The following CHCHD3 variants were observed in gnomAD, a reference collection of about 807,000 sequenced individuals.
CHCHD3 encodes the protein coiled-coil-helix-coiled-coil-helix domain containing 3.
Under a neutral mutation model 38.2 loss-of-function variants are expected in CHCHD3, and 20 were observed. That is an observed-to-expected ratio of 0.52 (90% confidence interval 0.37 to 0.76). The LOEUF is 0.76. CHCHD3 is among the 30% of genes least tolerant of loss of function. The pLI is 0.00. For synonymous variants in CHCHD3, 82 were observed against 100.0 expected (o/e 0.82, Z 1.07); for missense variants, 245 against 279.2 (o/e 0.88, Z 0.87).
At position 132,820,269 on chromosome 7, in the gene CHCHD3, G is replaced by T. The variant is rs535708435; in HGVS notation, c.524+18130C>A. On this transcript the variant is annotated intron_variant, in intron 6 of 7. Transcript: ENST00000262570. ...CATCCTTGGCCCCTAATTTTTAAAT[G>T]TTGTATTCATAAAAATAAGCTTCAT... Among the ~76,000 whole-genome samples, 61 of 152,294 alleles carry T rather than the reference G, an allele frequency of 4.0e-4. 4 individuals are homozygous for T. Among genetic ancestry groups the T allele is most frequent in the Admixed American group, 3.5e-3 (53 of 15,292 alleles).
At chr7:132,906,458 C>G (rs1197271147) in intron 4 of CHCHD3, among the ~76,000 whole-genome samples, 1 of 152,090 alleles carries the variant, frequency 6.6e-6, no homozygotes, top group African/African-American at 2.4e-5. Context: ...CATTGAGTAC[C>G]ATTTCATAAC....
At chr7:132,807,609 ATATAT>A (rs1806957708) in intron 6 of CHCHD3, among the ~76,000 whole-genome samples, 2 of 24,110 alleles carry the variant, frequency 8.3e-5, no homozygotes, top group African/African-American at 7.7e-4. Context: ...ACACATAAAT[ATATAT>A]ATATATATAT....
At chr7:132,930,598 T>C (rs1810491667) in intron 4 of CHCHD3, among the ~76,000 whole-genome samples, 1 of 152,176 alleles carries the variant, frequency 6.6e-6, no homozygotes, top group Non-Finnish European at 1.5e-5. Flanking sequence ...ATTTCTAACA[T>C]ATTTCGCCCT....
intron 2 of CHCHD3, among the ~76,000 whole-genome samples, chr7:133,039,065 ACTGAGGTT>A (rs1184765233): frequency 6.6e-6 from 1 of 152,226 alleles, no homozygotes; most frequent in African/African-American, 2.4e-5. Flanking sequence ...ACAACTGCTC[ACTGAGGTT>A]TTGTGGACTT....
rs909224122 is a variant in CHCHD3 at position 133,079,495 on chromosome 7, C to T, written c.81+2362G>A. On this transcript the variant is annotated intron_variant, in intron 1 of 7. Coordinates refer to ENST00000262570, the MANE Select transcript of CHCHD3 (RefSeq NM_017812.4). ...CTTAAAACTTTGCATGTGAAAGGAA[C>T]CCTATCATAATAATGGCTGCCTTTT... is the stretch of plus-strand genomic sequence containing the variant. 1.3e-4 allele frequency among the ~76,000 whole-genome samples: 20 copies of T among 152,186 alleles called. No individual in the cohort carries two copies. The South Asian group carries it at 3.9e-3, about 30-fold the overall frequency.
chr7:132,830,004 CTT>C (rs2117082338), intron 6 of CHCHD3, among the ~76,000 whole-genome samples: 1 of 152,240 alleles, frequency 6.6e-6, no homozygotes, highest in African/African-American at 2.4e-5. Flanking sequence ...GGAAATCTCT[CTT>C]GTTAATGTTT....
intron 6 of CHCHD3, among the ~76,000 whole-genome samples, chr7:132,809,588 TA>T (rs1807014094): frequency 6.6e-6 from 1 of 152,204 alleles, no homozygotes; most frequent in Non-Finnish European, 1.5e-5. Flanking sequence ...CACAAGGTAT[TA>T]CTTGTGATGT....
At chr7:132,967,486 A>G (rs1811495808) in intron 4 of CHCHD3, among the ~76,000 whole-genome samples, 5 of 152,032 alleles carry the variant, frequency 3.3e-5, no homozygotes. Context: ...CTATTTGGTG[A>G]TGTTAAGATC....
chr7:132,940,766 A>G (rs999859406), intron 4 of CHCHD3, among the ~76,000 whole-genome samples: 1 of 152,188 alleles, frequency 6.6e-6, no homozygotes, highest in Non-Finnish European at 1.5e-5. Context: ...TTGTTAAGAA[A>G]GACATCCTTG....
At chr7:133,008,755 CA>C (rs975244046) in intron 3 of CHCHD3, among the ~76,000 whole-genome samples, 3 of 152,210 alleles carry the variant, frequency 2.0e-5, no homozygotes, top group African/African-American at 7.2e-5. Flanking sequence ...TACACTACCA[CA>C]AAAGGTCAAG....
At chr7:133,020,941 G>A (rs185306636) in intron 3 of CHCHD3, among the ~76,000 whole-genome samples, 6 of 149,172 alleles carry the variant, frequency 4.0e-5, no homozygotes, top group African/African-American at 1.5e-4. Context: ...TTCTTTTTTG[G>A]TGGGGGGAGA....
At chr7:132,904,527 A>G (rs1809748089) in intron 4 of CHCHD3, among the ~76,000 whole-genome samples, 1 of 152,234 alleles carries the variant, frequency 6.6e-6, no homozygotes, top group Middle Eastern at 3.2e-3. Flanking sequence ...AATGCAAATC[A>G]ATGCCACAAT....
intron 6 of CHCHD3, among the ~76,000 whole-genome samples, chr7:132,804,783 C>T (rs1052701166): frequency 4.6e-5 from 7 of 152,132 alleles, no homozygotes; most frequent in African/African-American, 1.7e-4. Context: ...GTGTCTGGCT[C>T]CCTTAACTGA....
Position 132,991,781 on chromosome 7 carries a change from G to A in CHCHD3, c.252-16495C>T, listed in dbSNP as rs148647228. 2.6e-3 allele frequency among the ~76,000 whole-genome samples: 394 copies of A among 151,744 alleles called. 1 individual carries two copies. The highest frequency in any genetic ancestry group is 9.3e-3 in the African/African-American group (383 of 41,356). On this transcript the variant is annotated intron_variant, in intron 3 of 7. Transcript: ENST00000262570. ...TCCTCAAGGATTTTTCTTCAATTTC[G>A]AGAATCTTTATTAGCACTTTATGAG...
chr7:132,887,444 A>G (rs989451174), intron 4 of CHCHD3, among the ~76,000 whole-genome samples: 2 of 151,752 alleles, frequency 1.3e-5, no homozygotes, highest in Admixed American at 1.3e-4. Flanking sequence ...ATAAATAAAG[A>G]AAATGAAAAA....
intron 2 of CHCHD3, among the ~76,000 whole-genome samples, chr7:133,032,230 A>G (rs1813523639): frequency 6.6e-6 from 1 of 152,206 alleles, no homozygotes; most frequent in African/African-American, 2.4e-5. Flanking sequence ...AGGTATATTC[A>G]GCTGACAGTT....
chr7:132,890,384 C>A (rs947462722), intron 4 of CHCHD3, among the ~76,000 whole-genome samples: 3 of 152,164 alleles, frequency 2.0e-5, no homozygotes, highest in Non-Finnish European at 4.4e-5. Context: ...ACTTTACCTT[C>A]CCATGAATAG....
intron 6 of CHCHD3, chr7:132,815,356 A>C (rs1263776264): frequency 3.2e-6 from 1 of 314,280 alleles, no homozygotes; most frequent in Non-Finnish European, 6.2e-6. Context: ...ATATGTTTGC[A>C]TATATTACAA....
In CHCHD3 at chr7:132,815,156, A is replaced by G. The variant is rs993438695; in HGVS notation, c.525-18579T>C. ...ATTAATTTTTATCAGACACCATCAA[A>G]TCCAGCCACTTTTAGATCTCCAATA... is the stretch of plus-strand genomic sequence containing the variant. On this transcript the variant is annotated intron_variant, in intron 6 of 7. Transcript: ENST00000262570. Among the ~76,000 whole-genome samples the G allele has an allele frequency of 2.0e-5, 3 of 152,230 alleles. No homozygotes were observed. In the East Asian group the frequency reaches 5.8e-4, roughly 29 times the overall value.
Sources: allele counts gnomAD v4.1 joint callset (sites outside exome capture counted in the v4.1 genomes callset), GRCh38; gene constraint gnomAD v4.1.1; transcripts MANE v1.5; gene names NCBI Gene and HGNC (gene_info 2026-07-23, HGNC 2026-07-21).